The following NR1H4 variants were observed in gnomAD, a reference collection of about 807,000 sequenced individuals.
NR1H4 encodes bile acid receptor.
NR1H4 carries 23 observed loss-of-function variants against 58.5 expected under a neutral mutation model. The observed-to-expected ratio is 0.39, with a 90% CI of 0.28 to 0.56. The LOEUF (loss-of-function observed/expected upper bound fraction) is 0.56, where lower values mean the gene tolerates loss of function less well. NR1H4 is among the 20% of genes least tolerant of loss of function. The probability of loss-of-function intolerance (pLI) is 0.58; values close to 1 mark genes in which losing one functional copy is unlikely to be tolerated. For missense variants in NR1H4, 487 were observed against 576.9 expected, an observed-to-expected ratio of 0.84 and a Z score of 1.60; for synonymous variants, 214 against 198.0, an observed-to-expected ratio of 1.08 and a Z score of -0.68.
intron 9 of NR1H4, among the ~76,000 whole-genome samples, chr12:100,544,344 A>T (rs1955009353): frequency 6.6e-6 from 1 of 151,792 alleles, no homozygotes; most frequent in Non-Finnish European, 1.5e-5. Context: ...GACAAAACTT[A>T]TTCATTTTAC....
chr12:100,534,991 C>A lies in NR1H4; in HGVS notation c.700C>A (p.Arg234=). 1 of 1,614,158 alleles carries A rather than the reference C, an allele frequency of 6.2e-7. No homozygotes were observed. The change falls in exon 6 of 11, where the codon CGA becomes AGA. Residue 234 remains arginine (R), a synonymous_variant. Transcript: ENST00000392986. ...TGAAGACAGTGAAGGTCGTGACTTG[C>A]GACAAGTGACCTCGACAACAAAGTC... is the stretch of plus-strand genomic sequence containing the variant. ...VNEDSEGRDL[R]QVTSTTKSCR...
intron 1 of NR1H4, among the ~76,000 whole-genome samples, chr12:100,477,292 T>C (rs1354811164): frequency 1.3e-5 from 2 of 152,162 alleles, no homozygotes; most frequent in South Asian, 4.1e-4. Context: ...AAAATAAGAT[T>C]TATTCTTTGT....
chr12:100,500,681 A>G (rs909510826), intron 3 of NR1H4, among the ~76,000 whole-genome samples: 17 of 152,142 alleles, frequency 1.1e-4, no homozygotes, highest in African/African-American at 4.8e-5. Flanking sequence ...TGCTGTTCTC[A>G]TGATAGTGAG....
At chr12:100,510,275 A>C (rs1954072829) in intron 3 of NR1H4, among the ~76,000 whole-genome samples, 1 of 152,206 alleles carries the variant, frequency 6.6e-6, no homozygotes, top group African/African-American at 2.4e-5. Flanking sequence ...AAGTTTAAAA[A>C]ACTGGAAAAT....
chr12:100,517,675 T>C (rs1371900414), intron 4 of NR1H4, among the ~76,000 whole-genome samples: 1 of 152,244 alleles, frequency 6.6e-6, no homozygotes, highest in Non-Finnish European at 1.5e-5. Context: ...TTTCTCTACA[T>C]CCTTGCCAAA....
At chr12:100,546,195 C>G (rs1565777900) in intron 9 of NR1H4, among the ~76,000 whole-genome samples, 1 of 152,156 alleles carries the variant, frequency 6.6e-6, no homozygotes, top group Non-Finnish European at 1.5e-5. Context: ...TGGGTCATCT[C>G]CATGGCTAAC....
chr12:100,482,819 C>T (rs900304872), intron 1 of NR1H4, among the ~76,000 whole-genome samples: 2 of 152,132 alleles, frequency 1.3e-5, no homozygotes, highest in Admixed American at 6.6e-5. Flanking sequence ...GCTTCTTCTA[C>T]ATCTAGTTGG....
intron 1 of NR1H4, among the ~76,000 whole-genome samples, chr12:100,486,131 G>A (rs534444606): frequency 6.6e-6 from 1 of 152,168 alleles, no homozygotes; most frequent in African/African-American, 2.4e-5. Context: ...GTCAGGAGGA[G>A]GTGCTGAGTG....
At position 100,536,618 on chromosome 12, in the gene NR1H4, T is replaced by A. The variant is rs191889376; in HGVS notation, c.831+8T>A. The stretch of plus-strand genomic sequence containing the variant: ...GAAATAACAAATAAAATTGTATGTA[T>A]AATATCTGAAAATATGTGGGTTTAA... On this transcript the variant is annotated splice_region_variant and intron_variant, in intron 7 of 10. Transcript: ENST00000392986. 9.7e-3 allele frequency: 13,748 copies of A among 1,416,628 alleles called. 86 individuals are homozygous for A. The highest frequency in any genetic ancestry group is 0.011 in the Non-Finnish European group (10,777 of 1,000,392). The allele number at this position is 1,416,628 out of a possible 1,614,324, so 87.8% of individuals were successfully genotyped here. A position where few individuals can be genotyped will look rare whatever the true frequency, so the allele number is the denominator to read the frequency against.
intron 1 of NR1H4, among the ~76,000 whole-genome samples, chr12:100,488,367 C>T (rs1953540008): frequency 6.6e-6 from 1 of 152,150 alleles, no homozygotes; most frequent in African/African-American, 2.4e-5. Context: ...CTACTTGTGC[C>T]TTTTGGCATG....
chr12:100,550,110 C>T (rs1235867816), intron 9 of NR1H4, among the ~76,000 whole-genome samples: 1 of 152,096 alleles, frequency 6.6e-6, no homozygotes, highest in African/African-American at 2.4e-5. Context: ...ACAAAGATAA[C>T]TGTCTCTGAG....
At chr12:100,476,471 C>T (rs1217521652) in intron 1 of NR1H4, among the ~76,000 whole-genome samples, 1 of 152,198 alleles carries the variant, frequency 6.6e-6, no homozygotes, top group Non-Finnish European at 1.5e-5. Flanking sequence ...CCACAATGAA[C>T]TCTCCATGCT....
At chr12:100,535,088 T>C in intron 6 of NR1H4, 65 bp downstream of exon 6, 1 of 1,592,760 alleles carries the variant, frequency 6.3e-7, no homozygotes, top group South Asian at 1.1e-5. Flanking sequence ...CATAGTGAGC[T>C]GGCCAGGAGG....
chr12:100,562,552 A>T (rs1051497914), intron 10 of NR1H4, among the ~76,000 whole-genome samples: 2 of 152,206 alleles, frequency 1.3e-5, no homozygotes, highest in Non-Finnish European at 2.9e-5. Flanking sequence ...TTAAAAAATT[A>T]CATTGGTAAA....
At chr12:100,501,440 G>A (rs1409871295) in intron 3 of NR1H4, among the ~76,000 whole-genome samples, 1 of 152,060 alleles carries the variant, frequency 6.6e-6, no homozygotes, top group Non-Finnish European at 1.5e-5. Flanking sequence ...GGCAATTAGG[G>A]CAAGTGTACC....
chr12:100,498,365 G>A (rs141651301), intron 3 of NR1H4, among the ~76,000 whole-genome samples: 4 of 152,172 alleles, frequency 2.6e-5, no homozygotes, highest in Non-Finnish European at 4.4e-5. Flanking sequence ...AAGGCTGGGC[G>A]CGGGGGCTCA....
chr12:100,487,487 T>A (rs1953516129), intron 1 of NR1H4, among the ~76,000 whole-genome samples: 1 of 151,730 alleles, frequency 6.6e-6, no homozygotes, highest in Non-Finnish European at 1.5e-5. Flanking sequence ...CTATCCCTCT[T>A]CCAGGACAGG....
chr12:100,475,087 C>A (rs1953237147), intron 1 of NR1H4, among the ~76,000 whole-genome samples: 1 of 151,422 alleles, frequency 6.6e-6, no homozygotes, highest in Admixed American at 6.6e-5. Context: ...ATATGTAAAG[C>A]TTTTATATGT....
intron 3 of NR1H4, among the ~76,000 whole-genome samples, chr12:100,510,064 C>CT (rs2136154489): frequency 6.6e-6 from 1 of 152,296 alleles, no homozygotes; most frequent in South Asian, 2.1e-4. Flanking sequence ...TGTTTTACAT[C>CT]TACTTAATAG....
Sources: allele counts gnomAD v4.1 joint callset (sites outside exome capture counted in the v4.1 genomes callset), GRCh38; gene constraint gnomAD v4.1.1; transcripts MANE v1.5; gene names NCBI Gene and HGNC (gene_info 2026-07-23, HGNC 2026-07-21).